Variants in NEGR1 observed in about 807,000 individuals in gnomAD.
NEGR1 encodes the protein IgLON family member 4.
NEGR1 carries 10 observed loss-of-function variants against 40.9 expected under a neutral mutation model. That is an observed-to-expected ratio of 0.24 (90% confidence interval 0.15 to 0.42). The LOEUF (loss-of-function observed/expected upper bound fraction) is 0.42, where lower values mean the gene tolerates loss of function less well. Among genes scored for constraint, NEGR1 ranks in the 10% least tolerant of loss-of-function variants. The probability of loss-of-function intolerance (pLI) is 1.00; values close to 1 mark genes in which losing one functional copy is unlikely to be tolerated. For synonymous variants in NEGR1, 185 were observed against 166.8 expected, an observed-to-expected ratio of 1.11 and a Z score of -0.84; for missense variants, 352 against 438.9, an observed-to-expected ratio of 0.80 and a Z score of 1.77.
At chr1:72,226,471 A>G (rs1654194193) in intron 1 of NEGR1, among the ~76,000 whole-genome samples, 1 of 152,060 alleles carries the variant, frequency 6.6e-6, no homozygotes, top group South Asian at 2.1e-4. Flanking sequence ...TCAAATTTCT[A>G]GAGAATATTG....
intron 6 of NEGR1, among the ~76,000 whole-genome samples, chr1:71,538,765 T>C (rs903198070): frequency 2.0e-5 from 3 of 151,726 alleles, no homozygotes; most frequent in African/African-American, 7.2e-5. Flanking sequence ...GCAGAAGAAA[T>C]ACATGATCTG....
intron 1 of NEGR1, among the ~76,000 whole-genome samples, chr1:72,028,185 A>C (rs2100433590): frequency 6.6e-6 from 1 of 152,320 alleles, no homozygotes; most frequent in South Asian, 2.1e-4. Flanking sequence ...AATAGTCCTC[A>C]GCCTGTTTCT....
chr1:71,675,843 C>G (rs1172604690), intron 4 of NEGR1, among the ~76,000 whole-genome samples: 1 of 151,602 alleles, frequency 6.6e-6, no homozygotes, highest in Non-Finnish European at 1.5e-5. Context: ...GCTCTGTCAC[C>G]CAGGCTGGAA....
At chr1:71,609,994 G>C (rs1053989014) in intron 5 of NEGR1, among the ~76,000 whole-genome samples, 1 of 152,074 alleles carries the variant, frequency 6.6e-6, no homozygotes, top group African/African-American at 2.4e-5. Context: ...CTCTCCTGCC[G>C]CCTAGTGAAG....
intron 1 of NEGR1, among the ~76,000 whole-genome samples, chr1:72,251,748 G>A (rs1203752962): frequency 6.6e-6 from 1 of 152,100 alleles, no homozygotes; most frequent in Non-Finnish European, 1.5e-5. Context: ...ATTTGCCAAT[G>A]AGGAACCCAC....
At chr1:71,901,804 G>A (rs1324736836) in intron 2 of NEGR1, among the ~76,000 whole-genome samples, 1 of 151,294 alleles carries the variant, frequency 6.6e-6, no homozygotes, top group Non-Finnish European at 1.5e-5. Flanking sequence ...CTGAGTAGCT[G>A]CGATTACAGG....
At chr1:71,914,540 G>A (rs1373410510) in intron 2 of NEGR1, among the ~76,000 whole-genome samples, 1 of 152,140 alleles carries the variant, frequency 6.6e-6, no homozygotes, top group Non-Finnish European at 1.5e-5. Flanking sequence ...GCTATCATTT[G>A]CTGTTGTCAC....
chr1:71,859,748 C>A (rs1190883654), intron 2 of NEGR1, among the ~76,000 whole-genome samples: 1 of 152,022 alleles, frequency 6.6e-6, no homozygotes, highest in African/African-American at 2.4e-5. Context: ...TCCGCTATCA[C>A]AAGGGTTTTA....
intron 1 of NEGR1, among the ~76,000 whole-genome samples, chr1:72,041,431 C>CTTT (rs35706358): frequency 8.1e-6 from 1 of 123,432 alleles, no homozygotes; most frequent in African/African-American, 3.0e-5. Context: ...CTTCTGTAGG[C>CTTT]TTTTTTTTTT....
intron 1 of NEGR1, among the ~76,000 whole-genome samples, chr1:72,041,104 T>C (rs1432733642): frequency 6.6e-6 from 1 of 152,056 alleles, no homozygotes; most frequent in Non-Finnish European, 1.5e-5. Context: ...TAATTCAATC[T>C]AAAAGTTAAA....
chr1:71,923,754 G>T (rs1266246459), intron 2 of NEGR1, among the ~76,000 whole-genome samples: 1 of 152,012 alleles, frequency 6.6e-6, no homozygotes, highest in Admixed American at 6.6e-5. Flanking sequence ...ATTAAATCCA[G>T]CCATTGTAGG....
At chr1:71,722,596 A>G (rs1479636522) in intron 3 of NEGR1, among the ~76,000 whole-genome samples, 2 of 152,106 alleles carry the variant, frequency 1.3e-5, no homozygotes, top group Non-Finnish European at 2.9e-5. Flanking sequence ...TTGAATTTAG[A>G]TAGATGTGGG....
At chr1:71,974,032 G>T (rs530053631) in intron 1 of NEGR1, among the ~76,000 whole-genome samples, 2 of 152,122 alleles carry the variant, frequency 1.3e-5, no homozygotes, top group East Asian at 3.9e-4. Context: ...GCTCTTTACA[G>T]AATTCAGTCA....
chr1:72,181,801 G>A (rs1371333787), intron 1 of NEGR1, among the ~76,000 whole-genome samples: 3 of 152,114 alleles, frequency 2.0e-5, no homozygotes, highest in African/African-American at 7.2e-5. Context: ...GGGAAAAATA[G>A]AGCATGATAT....
chr1:71,570,636 A>T (rs2101492308), intron 6 of NEGR1, among the ~76,000 whole-genome samples: 1 of 126,342 alleles, frequency 7.9e-6, no homozygotes, highest in Admixed American at 8.1e-5. Flanking sequence ...CTTTGTTTAT[A>T]CTGGGTCCTT....
At chr1:72,231,987 T>C (rs1654381469) in intron 1 of NEGR1, among the ~76,000 whole-genome samples, 1 of 152,100 alleles carries the variant, frequency 6.6e-6, no homozygotes, top group African/African-American at 2.4e-5. Flanking sequence ...TTAGCTCATA[T>C]GGGGACATTT....
intron 1 of NEGR1, among the ~76,000 whole-genome samples, chr1:72,142,299 T>C (rs1228844931): frequency 6.6e-6 from 1 of 151,930 alleles, no homozygotes; most frequent in African/African-American, 2.4e-5. Flanking sequence ...CTGAGACACA[T>C]GCAAATAAAG....
chr1:71,994,133 C>T (rs1343310076), intron 1 of NEGR1, among the ~76,000 whole-genome samples: 1 of 152,178 alleles, frequency 6.6e-6, no homozygotes, highest in Non-Finnish European at 1.5e-5. Flanking sequence ...ATGTCAATTA[C>T]TTCCCAAATG....
At chr1:72,006,983 G>C (rs1358832836) in intron 1 of NEGR1, among the ~76,000 whole-genome samples, 1 of 151,994 alleles carries the variant, frequency 6.6e-6, no homozygotes, top group African/African-American at 2.4e-5. Context: ...GTTTTAATGA[G>C]GTTATATTTC....
Sources: gnomAD v4.1 joint callset for allele counts (sites outside exome capture counted in the v4.1 genomes callset) on GRCh38, gnomAD v4.1.1 for gene constraint, MANE v1.5 for transcripts, NCBI Gene and HGNC (gene_info 2026-07-23, HGNC 2026-07-21) for gene names.